The following TESK2 variants were observed in gnomAD, a reference collection of about 807,000 sequenced individuals.
TESK2 encodes the protein testis associated actin remodelling kinase 2.
In TESK2, 39 loss-of-function variants were observed where a neutral mutation model predicts 57.1. That is an observed-to-expected ratio of 0.68 (90% CI 0.53 to 0.89). The LOEUF (loss-of-function observed/expected upper bound fraction) is 0.89. Ranked by LOEUF, TESK2 falls within the 40% of genes least tolerant of loss-of-function variation. The pLI is 0.00. For synonymous variants in TESK2, 249 were observed against 267.9 expected (o/e 0.93, Z 0.69); for missense variants, 646 against 732.1 (o/e 0.88, Z 1.36).
rs571187693 is a variant in TESK2 at position 45,487,893 on chromosome 1, C to T, written c.-87+2959G>A. Among the ~76,000 whole-genome samples the T allele has an allele frequency of 7.3e-5, 11 of 151,710 alleles. No individual in the cohort carries two copies. In the East Asian group the frequency reaches 2.1e-3, roughly 29 times the overall value. The stretch of plus-strand genomic sequence containing the variant: ...TATATTATTTCTAACTAGTAGGACC[C>T]TCAATGTGGTCAACAATCTTTTAGC... On this transcript the variant is annotated intron_variant, in intron 1 of 10. Transcript: ENST00000372086.
At chr1:45,407,828 A>G (rs1570698948) in intron 3 of TESK2, among the ~76,000 whole-genome samples, 2 of 152,322 alleles carry the variant, frequency 1.3e-5, no homozygotes, top group East Asian at 3.9e-4. Context: ...TAGCAGCATG[A>G]GAAAGGACTT....
intron 5 of TESK2, among the ~76,000 whole-genome samples, chr1:45,350,221 C>T (rs1447870720): frequency 6.6e-6 from 1 of 152,162 alleles, no homozygotes; most frequent in African/African-American, 2.4e-5. Flanking sequence ...ACTGAGCTGA[C>T]AAGAGACTCA....
At chr1:45,365,677 C>CTTT (rs34671575) in intron 4 of TESK2, among the ~76,000 whole-genome samples, 4,707 of 106,738 alleles carry the variant, frequency 0.044, 709 homozygotes, top group African/African-American at 0.18. Context: ...CCACGCCCGG[C>CTTT]TTTTTTTTTT....
chr1:45,459,784 A>G (rs1652258422), intron 1 of TESK2, among the ~76,000 whole-genome samples: 2 of 152,292 alleles, frequency 1.3e-5, no homozygotes, highest in South Asian at 4.1e-4. Context: ...TTGAGGCTGC[A>G]GTGAGCTGTG....
Position 45,400,399 on chromosome 1 carries a change from T to C in TESK2, c.345-14439A>G, listed in dbSNP as rs1649550400. 2.0e-5 allele frequency among the ~76,000 whole-genome samples: 3 copies of C among 152,328 alleles called. No homozygotes were observed. In the South Asian group the frequency reaches 6.2e-4, roughly 32 times the overall value. Reference sequence around the variant, plus strand: ...AGACTCTTGTCAGACCTCTGACTTATAGAACAGTAAGATAAAATAAACGTG... The same window carrying C: ...AGACTCTTGTCAGACCTCTGACTTACAGAACAGTAAGATAAAATAAACGTG... On this transcript the variant is annotated intron_variant, in intron 3 of 10. Coordinates refer to ENST00000372086, the MANE Select transcript of TESK2 (RefSeq NM_007170.3).
At chr1:45,415,520 A>AGT (rs1650203608) in intron 3 of TESK2, among the ~76,000 whole-genome samples, 1 of 152,124 alleles carries the variant, frequency 6.6e-6, no homozygotes, top group South Asian at 2.1e-4. Flanking sequence ...TGCAGAGTTA[A>AGT]GTTTATGATT....
intron 1 of TESK2, among the ~76,000 whole-genome samples, chr1:45,478,834 C>T (rs1311179245): frequency 4.6e-5 from 7 of 152,034 alleles, no homozygotes; most frequent in Non-Finnish European, 1.0e-4. Flanking sequence ...AGCAATTCTC[C>T]TGCCTCAGCC....
chr1:45,382,752 C>T (rs1648715315), intron 4 of TESK2, among the ~76,000 whole-genome samples: 4 of 152,160 alleles, frequency 2.6e-5, no homozygotes, highest in Middle Eastern at 3.4e-3. Context: ...TGCCTGTAAT[C>T]CCAGCTACTC....
chr1:45,462,678 G>A (rs1262442502), intron 1 of TESK2, among the ~76,000 whole-genome samples: 2 of 152,136 alleles, frequency 1.3e-5, no homozygotes, highest in Non-Finnish European at 2.9e-5. Flanking sequence ...CTTGGCTATT[G>A]TAAACAGTGC....
intron 1 of TESK2, among the ~76,000 whole-genome samples, chr1:45,459,117 C>CA (rs1652233023): frequency 6.6e-6 from 1 of 152,182 alleles, no homozygotes; most frequent in South Asian, 2.1e-4. Flanking sequence ...CAGCACCGTA[C>CA]CCAGTGTGTA....
At chr1:45,386,055 AC>A in intron 3 of TESK2, 95 bp from the exon 4 acceptor site, 4 of 887,606 alleles carry the variant, frequency 4.5e-6, no homozygotes, top group Non-Finnish European at 7.2e-6. Flanking sequence ...ATTAGAAACA[AC>A]CTGTGGGGTG....
At chr1:45,438,793 A>T (rs1027860518) in intron 2 of TESK2, among the ~76,000 whole-genome samples, 11 of 152,140 alleles carry the variant, frequency 7.2e-5, no homozygotes, top group African/African-American at 2.7e-4. Flanking sequence ...ATTTGGTTTG[A>T]TGAAAACTTT....
chr1:45,374,314 C>T lies in TESK2; in HGVS notation c.393+11598G>A, dbSNP rs535190433. On this transcript the variant is annotated intron_variant, in intron 4 of 10. Transcript: ENST00000372086. ...CAGTTACTGACAATTCAGCAGTGAA[C>T]AATAGCCAAGCCCAAGGAGCTCAAA... 5.1e-4 allele frequency among the ~76,000 whole-genome samples: 78 copies of T among 152,236 alleles called. 2 individuals carry two copies. Among genetic ancestry groups the T allele is most frequent in the Admixed American group, 1.4e-3 (21 of 15,292 alleles).
intron 3 of TESK2, chr1:45,398,983 GAAAAAAAAAA>G (rs372886401): frequency 9.7e-5 from 23 of 236,676 alleles, no homozygotes; most frequent in African/African-American, 6.3e-4. Flanking sequence ...ACTAGGACCT[GAAAAAAAAAA>G]AAAAAAAAAA....
chr1:45,483,688 G>A (rs191762151), intron 1 of TESK2, among the ~76,000 whole-genome samples: 12 of 152,214 alleles, frequency 7.9e-5, no homozygotes, highest in Non-Finnish European at 5.9e-5. Flanking sequence ...AGGGGGCGGC[G>A]GAGGGGGGGT....
intron 2 of TESK2, among the ~76,000 whole-genome samples, chr1:45,440,255 C>A (rs1651388285): frequency 6.6e-6 from 1 of 151,358 alleles, no homozygotes. Flanking sequence ...TTTGCCAAGG[C>A]CCCCCCAAAA....
chr1:45,444,553 C>A (rs1473092834), intron 2 of TESK2, among the ~76,000 whole-genome samples: 1 of 152,146 alleles, frequency 6.6e-6, no homozygotes, highest in Non-Finnish European at 1.5e-5. Flanking sequence ...ACACACTGTA[C>A]AGAAAGACTG....
chr1:45,443,412 A>C (rs994451865), intron 2 of TESK2, among the ~76,000 whole-genome samples: 1 of 123,752 alleles, frequency 8.1e-6, no homozygotes, highest in Non-Finnish European at 1.7e-5. Flanking sequence ...TAAAAAATAC[A>C]AAAAAAAAAT....
At chr1:45,399,296 G>A (rs919179140) in intron 3 of TESK2, among the ~76,000 whole-genome samples, 7 of 151,336 alleles carry the variant, frequency 4.6e-5, no homozygotes, top group African/African-American at 1.2e-4. Context: ...CTACAGGTAC[G>A]CACCACCACA....
Sources: gnomAD v4.1 joint callset for allele counts (sites outside exome capture counted in the v4.1 genomes callset) on GRCh38, gnomAD v4.1.1 for gene constraint, MANE v1.5 for transcripts, NCBI Gene and HGNC (gene_info 2026-07-23, HGNC 2026-07-21) for gene names.